MON2: variants seen among roughly 807,000 people sequenced by gnomAD.
MON2 encodes MON2 regulator of endosome-to-Golgi trafficking, also known as protein MON2 homolog.
MON2 carries 84 observed loss-of-function variants against 208.6 expected under a neutral mutation model. The ratio of observed to expected loss-of-function variants is 0.40; its 90% CI spans 0.34 to 0.48. The LOEUF is 0.48. Ranked by LOEUF, MON2 falls within the 20% of genes least tolerant of loss-of-function variation. The pLI is 0.59. For missense variants in MON2, 1,611 were observed against 2,015.4 expected, an observed-to-expected ratio of 0.80 and a Z score of 3.84; for synonymous variants, 660 against 694.0, an observed-to-expected ratio of 0.95 and a Z score of 0.77.
intron 2 of MON2, among the ~76,000 whole-genome samples, chr12:62,492,903 G>A (rs1005144410): frequency 1.3e-5 from 2 of 151,174 alleles, no homozygotes; most frequent in Non-Finnish European, 3.0e-5. Flanking sequence ...CACTTGAACC[G>A]GGGAGTCGGA....
intron 30 of MON2, among the ~76,000 whole-genome samples, chr12:62,573,651 T>C (rs1207241644): frequency 2.0e-5 from 3 of 151,842 alleles, no homozygotes; most frequent in Non-Finnish European, 4.4e-5. Flanking sequence ...AAATTTTAGC[T>C]CTAAATTTGG....
At chr12:62,509,710 A>C (rs960795558) in intron 8 of MON2, among the ~76,000 whole-genome samples, 2 of 152,344 alleles carry the variant, frequency 1.3e-5, no homozygotes, top group South Asian at 4.1e-4. Context: ...TGTGACCAAA[A>C]TGGAATCCAG....
At chr12:62,564,793 T>A (rs1263122799) in intron 26 of MON2, among the ~76,000 whole-genome samples, 6 of 152,162 alleles carry the variant, frequency 3.9e-5, no homozygotes, top group Admixed American at 6.6e-5. Context: ...GTAACACACA[T>A]GATTATTTGT....
chr12:62,490,034 A>G (rs2070029567), intron 2 of MON2: 13 of 1,208,356 alleles, frequency 1.1e-5, no homozygotes, highest in Admixed American at 2.5e-5. Flanking sequence ...CTTTTTTTCC[A>G]GGATAAAAAC....
At chr12:62,469,923 T>TTTATTTA (rs766894539) in intron 1 of MON2, among the ~76,000 whole-genome samples, 6,151 of 48,760 alleles carry the variant, frequency 0.13, 174 homozygotes, top group Middle Eastern at 0.2. Context: ...TATTTATTTA[T>TTTATTTA]TTGAGACAGG....
intron 23 of MON2, 46 bp downstream of exon 23, chr12:62,549,876 G>A: frequency 7.7e-7 from 1 of 1,291,180 alleles, no homozygotes; most frequent in Non-Finnish European, 1.0e-6. Context: ...AGAAATCATT[G>A]TTATTCAGTT....
At chr12:62,549,490 A>G (rs1385909413) in intron 22 of MON2, among the ~76,000 whole-genome samples, 178 bp from the exon 23 acceptor site, 1 of 149,374 alleles carries the variant, frequency 6.7e-6, no homozygotes, top group Non-Finnish European at 1.5e-5. Flanking sequence ...GGGGGTGTGC[A>G]CCTGTAGTCC....
At chr12:62,544,216 G>A (rs942399626) in intron 20 of MON2, among the ~76,000 whole-genome samples, 1 of 152,062 alleles carries the variant, frequency 6.6e-6, no homozygotes, top group Non-Finnish European at 1.5e-5. Context: ...AGGCTGAGGT[G>A]GGAGGATTAC....
chr12:62,497,664 G>T (rs2070597725), intron 4 of MON2, among the ~76,000 whole-genome samples: 1 of 151,744 alleles, frequency 6.6e-6, no homozygotes, highest in African/African-American at 2.4e-5. Context: ...GCCTGGGCTG[G>T]AGTGCAGTGG....
chr12:62,539,973 A>C (rs1458577244), intron 19 of MON2, among the ~76,000 whole-genome samples: 1 of 152,174 alleles, frequency 6.6e-6, no homozygotes, highest in African/African-American at 2.4e-5. Context: ...TGTCTCAAGA[A>C]AAAAAGAAAA....
intron 20 of MON2, 141 bp from the exon 21 acceptor site, chr12:62,544,757 C>A: frequency 6.5e-7 from 1 of 1,532,648 alleles, no homozygotes; most frequent in Admixed American, 2.0e-5. Context: ...TGCTCTTGCC[C>A]TTATTCAGAA....
At chr12:62,553,232 C>T in intron 24 of MON2, 58 bp downstream of exon 24, 3 of 1,392,842 alleles carry the variant, frequency 2.2e-6, no homozygotes, top group Non-Finnish European at 2.0e-6. Context: ...TATATTAATA[C>T]TTTTTCAGTT....
chr12:62,539,457 C>T (rs1290390789), intron 19 of MON2, among the ~76,000 whole-genome samples: 2 of 151,456 alleles, frequency 1.3e-5, no homozygotes, highest in South Asian at 2.1e-4. Context: ...TCAGTAGAGA[C>T]AAGGTTTCAC....
At chr12:62,535,504 A>G in intron 13 of MON2, 21 bp from the exon 14 acceptor site, 1 of 1,544,264 alleles carries the variant, frequency 6.5e-7, no homozygotes, top group South Asian at 1.2e-5. Context: ...AATCAGATTA[A>G]ATAAAATACT....
At chr12:62,483,873 G>A (rs1297010582) in intron 1 of MON2, among the ~76,000 whole-genome samples, 1 of 152,148 alleles carries the variant, frequency 6.6e-6, no homozygotes, top group Non-Finnish European at 1.5e-5. Flanking sequence ...TTTTATTCTC[G>A]GAAAATTTAA....
intron 31 of MON2, among the ~76,000 whole-genome samples, chr12:62,579,515 A>AG (rs2074924281): frequency 6.6e-6 from 1 of 151,430 alleles, no homozygotes; most frequent in Non-Finnish European, 1.5e-5. Context: ...TGAGGTCAGG[A>AG]GATTGAGACC....
chr12:62,544,069 A>G (rs972643116), intron 20 of MON2, among the ~76,000 whole-genome samples: 1 of 152,174 alleles, frequency 6.6e-6, no homozygotes, highest in African/African-American at 2.4e-5. Flanking sequence ...TTCTGCCAGT[A>G]TGTGTGTTTG....
chr12:62,505,005 A>C (rs921224788), intron 7 of MON2, among the ~76,000 whole-genome samples: 8 of 152,218 alleles, frequency 5.3e-5, no homozygotes, highest in African/African-American at 1.9e-4. Flanking sequence ...AATACTCCAC[A>C]CAGAAGGAAT....
intron 1 of MON2, among the ~76,000 whole-genome samples, chr12:62,476,966 G>A (rs973548148): frequency 6.6e-6 from 1 of 152,030 alleles, no homozygotes; most frequent in Non-Finnish European, 1.5e-5. Flanking sequence ...GACTAGCCTG[G>A]GCAACATAGC....
Sources: gnomAD v4.1 joint callset for allele counts (sites outside exome capture counted in the v4.1 genomes callset) on GRCh38, gnomAD v4.1.1 for gene constraint, MANE v1.5 for transcripts, NCBI Gene and HGNC (gene_info 2026-07-23, HGNC 2026-07-21) for gene names.